The following SGIP1 variants were observed in gnomAD, a reference collection of about 807,000 sequenced individuals.
SGIP1 encodes the protein SH3GL interacting endocytic adaptor 1.
A neutral mutation model predicts 107.5 loss-of-function variants in SGIP1; 38 were observed. That is an observed-to-expected ratio of 0.35 (90% CI 0.27 to 0.46). The LOEUF (loss-of-function observed/expected upper bound fraction) is 0.46. Ranked by LOEUF, SGIP1 falls within the 20% of genes least tolerant of loss-of-function variation. SGIP1 has a pLI of 1.00. For missense variants in SGIP1, 929 were observed against 1,019.5 expected (o/e 0.91, Z 1.21); for synonymous variants, 365 against 366.1 (o/e 1.00, Z 0.03).
In SGIP1 at chr1:66,595,899, G is replaced by A. The variant is rs981076934; in HGVS notation, c.11-29948G>A. Among the ~76,000 whole-genome samples, 5 of 152,154 alleles carry A rather than the reference G, an allele frequency of 3.3e-5. No homozygotes were observed. In the East Asian group the frequency reaches 9.6e-4, roughly 29 times the overall value. On this transcript the variant is annotated intron_variant, in intron 1 of 24. Transcript: ENST00000371037. ...TTAGAGAGATGGAAGAGAGATTAGT[G>A]GCTTCCAGTGGTTTGAGGAGGGGGA...
rs76225488 is a variant in SGIP1 at position 66,743,057 on chromosome 1, C to T, written c.2465-16C>T. ...AACTACCAGATAACCTGTTGACATG[C>T]TGTTTTGTTTTGCAGGAAAATACTT... On this transcript the variant is annotated splice_polypyrimidine_tract_variant and intron_variant, in intron 24 of 24. Transcript: ENST00000371037. The T allele has an allele frequency of 1.3e-3, 2,103 of 1,613,336 alleles. 28 individuals are homozygous for T. In the African/African-American group the frequency reaches 0.025, roughly 19 times the overall value.
intron 19 of SGIP1, among the ~76,000 whole-genome samples, chr1:66,723,289 C>T (rs1184365384): frequency 6.6e-6 from 1 of 152,126 alleles, no homozygotes; most frequent in African/African-American, 2.4e-5. Flanking sequence ...CTCAGACCAT[C>T]CATTGGGAAC....
At chr1:66,671,080 A>G in intron 10 of SGIP1, 61 bp downstream of exon 10, 1 of 861,554 alleles carries the variant, frequency 1.2e-6, no homozygotes, top group Non-Finnish European at 1.8e-6. Flanking sequence ...AGTTCCTTGG[A>G]TCTTGGAGTA....
chr1:66,668,244 G>T (rs2083025839), intron 9 of SGIP1, among the ~76,000 whole-genome samples: 5 of 151,998 alleles, frequency 3.3e-5, no homozygotes, highest in Admixed American at 3.3e-4. Context: ...AGGCTGGAGT[G>T]CAGTGGCGTG....
chr1:66,741,988 G>A lies in SGIP1; in HGVS notation c.2464+552G>A, dbSNP rs1197253025. Among the ~76,000 whole-genome samples, 3 of 152,174 alleles carry A rather than the reference G, an allele frequency of 2.0e-5. No individual in the cohort carries two copies. The East Asian group carries it at 5.8e-4, about 29-fold the overall frequency. On this transcript the variant is annotated intron_variant, in intron 24 of 24. Coordinates refer to ENST00000371037, the MANE Select transcript of SGIP1 (RefSeq NM_032291.4). ...TCACCGTGTTAGCCAGGATGGTCTT[G>A]AACCCCTGAGCTCGTGATCCGCCTG...
intron 18 of SGIP1, among the ~76,000 whole-genome samples, chr1:66,698,479 C>G (rs2091353535): frequency 6.6e-6 from 1 of 150,974 alleles, no homozygotes; most frequent in Admixed American, 6.6e-5. Flanking sequence ...CCCGAGTTCA[C>G]CCCATTTTCC....
At chr1:66,685,180 C>T (rs991366960) in intron 15 of SGIP1, among the ~76,000 whole-genome samples, 82 of 152,298 alleles carry the variant, frequency 5.4e-4, no homozygotes, top group Middle Eastern at 3.4e-3. Context: ...AACTAACTTT[C>T]TTGTATTTCT....
At chr1:66,602,058 G>A (rs979403449) in intron 1 of SGIP1, among the ~76,000 whole-genome samples, 39 of 152,188 alleles carry the variant, frequency 2.6e-4, no homozygotes, top group African/African-American at 9.2e-4. Flanking sequence ...AACATCAGGT[G>A]TACATAGAGG....
At chr1:66,605,636 A>G (rs1342276155) in intron 1 of SGIP1, among the ~76,000 whole-genome samples, 2 of 151,562 alleles carry the variant, frequency 1.3e-5, no homozygotes, top group Non-Finnish European at 2.9e-5. Flanking sequence ...CAGCCCAAAC[A>G]ATGACTCACA....
intron 15 of SGIP1, among the ~76,000 whole-genome samples, chr1:66,684,740 T>G (rs1247101788): frequency 1.3e-5 from 2 of 152,250 alleles, no homozygotes; most frequent in African/African-American, 4.8e-5. Flanking sequence ...ATTTGTTCAA[T>G]TGAATTTACC....
chr1:66,542,068 A>G lies in SGIP1; in HGVS notation c.10+7700A>G, dbSNP rs1571038125. 2.0e-5 allele frequency among the ~76,000 whole-genome samples: 3 copies of G among 152,252 alleles called. No homozygotes were observed. The East Asian group carries it at 5.8e-4, about 29-fold the overall frequency. On this transcript the variant is annotated intron_variant, in intron 1 of 24. Coordinates refer to ENST00000371037, the MANE Select transcript of SGIP1 (RefSeq NM_032291.4). The stretch of plus-strand genomic sequence containing the variant: ...AGATCCCCAGCGGATGCCTGAAACT[A>G]CAGATATTACCAAACCCTATATGCA...
In SGIP1 at chr1:66,700,616, A is replaced by C. The variant is rs1018321359; in HGVS notation, c.1630+5123A>C. Among the ~76,000 whole-genome samples the C allele has an allele frequency of 2.0e-5, 3 of 148,028 alleles. No homozygotes were observed. In the South Asian group the frequency reaches 7.2e-4, roughly 36 times the overall value. ...CCAAATAATATTTCAATACATGTGTACTATGTATAATAATCAAATCAGAGT... is the reference window on the plus strand; with the variant it reads ...CCAAATAATATTTCAATACATGTGTCCTATGTATAATAATCAAATCAGAGT... On this transcript the variant is annotated intron_variant, in intron 18 of 24. Transcript: ENST00000371037.
At chr1:66,589,216 A>ATATATGTGTGTGTGTGTGTGTGTGTG (rs1553238978) in intron 1 of SGIP1, among the ~76,000 whole-genome samples, 2 of 96,428 alleles carry the variant, frequency 2.1e-5, no homozygotes, top group East Asian at 2.7e-4. Context: ...ATATATATAT[A>ATATATGTGTGTGTGTGTGTGTGTGTG]TGTAAGGCTT....
Position 66,743,314 on chromosome 1 carries a change from A to G in SGIP1, c.*219A>G. The stretch of plus-strand genomic sequence containing the variant: ...GGTGTAATATTGTTAATGGTTTTAA[A>G]ATGTAATTATTGTATTTGTAAATTG... On this transcript the variant is annotated 3_prime_UTR_variant, in exon 25 of 25. Transcript: ENST00000371037. The G allele has an allele frequency of 2.4e-6, 1 of 418,678 alleles. No individual in the cohort carries two copies. Among genetic ancestry groups the G allele is most frequent in the South Asian group, 3.5e-5 (1 of 28,198 alleles). 25.9% of individuals were successfully genotyped at this position (418,678 alleles called of 1,614,324 possible). A position where few individuals can be genotyped will look rare whatever the true frequency, so the allele number is the denominator to read the frequency against.
At chr1:66,707,946 A>G (rs2092639868) in intron 18 of SGIP1, among the ~76,000 whole-genome samples, 1 of 152,194 alleles carries the variant, frequency 6.6e-6, no homozygotes, top group Non-Finnish European at 1.5e-5. Context: ...ATATTTAACA[A>G]GTAAGATTTC....
rs1178247018 is a variant in SGIP1 at position 66,743,805 on chromosome 1, CTT to C, written c.*711_*712del. On this transcript the variant is annotated 3_prime_UTR_variant, in exon 25 of 25. Coordinates refer to ENST00000371037, the MANE Select transcript of SGIP1 (RefSeq NM_032291.4). ...TAAACAGGGCCTCTTATTTTTATAA[CTT>C]GTGTAAAAAGGGAAAGCAATTCATA... 1 of 152,322 alleles carries C rather than the reference CTT, an allele frequency of 6.6e-6. No homozygotes were observed. The highest frequency in any genetic ancestry group is 6.6e-5 in the Admixed American group (1 of 15,264). 9.4% of individuals were successfully genotyped at this position (152,322 alleles called of 1,614,324 possible). A position where few individuals can be genotyped will look rare whatever the true frequency, so the allele number is the denominator to read the frequency against.
intron 7 of SGIP1, among the ~76,000 whole-genome samples, chr1:66,648,402 G>GAGTA (rs2078052684): frequency 4.0e-5 from 6 of 151,672 alleles, no homozygotes; most frequent in Admixed American, 3.9e-4. Flanking sequence ...GTGAGTGAGT[G>GAGTA]AGTGAACAAA....
chr1:66,538,478 C>T (rs1038324655), intron 1 of SGIP1, among the ~76,000 whole-genome samples: 4 of 152,104 alleles, frequency 2.6e-5, no homozygotes, highest in African/African-American at 9.7e-5. Context: ...CTTTATACTT[C>T]TAAAAAGAAT....
At chr1:66,649,875 G>C (rs1048917594) in intron 7 of SGIP1, among the ~76,000 whole-genome samples, 3 of 152,108 alleles carry the variant, frequency 2.0e-5, no homozygotes, top group African/African-American at 7.2e-5. Context: ...TCAAACAAGA[G>C]GGTTCTACCT....
Sources: gnomAD v4.1 joint callset for allele counts (sites outside exome capture counted in the v4.1 genomes callset) on GRCh38, gnomAD v4.1.1 for gene constraint, MANE v1.5 for transcripts, NCBI Gene and HGNC (gene_info 2026-07-23, HGNC 2026-07-21) for gene names.